SLC3A1: variants seen among roughly 807,000 people sequenced by gnomAD.
The protein encoded by SLC3A1 is amino acid transporter heavy chain SLC3A1.
A neutral mutation model predicts 60.3 loss-of-function variants in SLC3A1; 78 were observed. The ratio of observed to expected loss-of-function variants is 1.29; its 90% CI spans 1.08 to 1.56. SLC3A1 has a LOEUF of 1.56. SLC3A1 is among the 40% of genes most tolerant of loss of function. SLC3A1 has a pLI of 0.00. For missense variants in SLC3A1, 1,172 were observed against 858.9 expected, an observed-to-expected ratio of 1.36 and a Z score of -4.56; for synonymous variants, 392 against 307.9, an observed-to-expected ratio of 1.27 and a Z score of -2.86.
intron 7 of SLC3A1, among the ~76,000 whole-genome samples, chr2:44,306,279 A>C (rs1334244146): frequency 5.3e-5 from 8 of 152,196 alleles, no homozygotes; most frequent in African/African-American, 1.4e-4. Context: ...CAGCCTGATG[A>C]AAACCTGAAA....
chr2:44,307,260 T>C (rs1240981044), intron 7 of SLC3A1, among the ~76,000 whole-genome samples: 1 of 152,252 alleles, frequency 6.6e-6, no homozygotes, highest in African/African-American at 2.4e-5. Context: ...GAGATTTGTT[T>C]TCACTTTTGG....
chr2:44,289,882 C>T (rs1304789327), intron 4 of SLC3A1, among the ~76,000 whole-genome samples: 8 of 152,150 alleles, frequency 5.3e-5, no homozygotes, highest in East Asian at 1.9e-4. Context: ...CCACCCGCCT[C>T]GGCCTCCCAA....
At chr2:44,298,259 C>T (rs143042076) in intron 4 of SLC3A1, among the ~76,000 whole-genome samples, 1 of 152,170 alleles carries the variant, frequency 6.6e-6, no homozygotes, top group Non-Finnish European at 1.5e-5. Flanking sequence ...ATCACCCTCA[C>T]AAAAATCCCA....
Position 44,281,396 on chromosome 2 carries a change from T to G in SLC3A1, c.620T>G (p.Leu207Ter). The change falls in exon 3 of 10, where the codon TTA (leucine) becomes TGA (stop). Residue 207 changes from leucine (L) to a stop codon, truncating the protein, a stop_gained. Coordinates refer to ENST00000260649, the MANE Select transcript of SLC3A1 (RefSeq NM_000341.4). LOFTEE classifies it high-confidence loss of function. ...VAAIHDKGLK[L>*]IIDFIPNHTS... ...GTCTTTTACTCATTAGGTTTAAAAT[T>G]AATCATCGATTTCATACCAAACCAC... 1.2e-6 allele frequency: 2 copies of G among 1,612,612 alleles called. No individual in the cohort carries two copies. The highest frequency in any genetic ancestry group is 8.5e-7 in the Non-Finnish European group (1 of 1,178,602).
At position 44,300,047 on chromosome 2, in the gene SLC3A1, A is replaced by G; in HGVS notation, c.968A>G (p.Lys323Arg). Residue 323 changes from lysine (K) to arginine (R), a missense_variant, in exon 5 of 10, where the codon AAG becomes AGG. Coordinates refer to ENST00000260649, the MANE Select transcript of SLC3A1 (RefSeq NM_000341.4). ...GCTGTTAAATTCCTCCTAGAAGCAA[A>G]GCACCTGAGAGATGAGATCCAAGTA... is the stretch of plus-strand genomic sequence containing the variant. ...LDAVKFLLEA[K>R]HLRDEIQVNK... 6.2e-7 allele frequency: 1 copy of G among 1,613,876 alleles called. No homozygotes were observed. Among genetic ancestry groups the G allele is most frequent in the Non-Finnish European group, 8.5e-7 (1 of 1,179,724 alleles).
chr2:44,308,245 T>C (rs553627835), intron 7 of SLC3A1, among the ~76,000 whole-genome samples: 4 of 152,236 alleles, frequency 2.6e-5, no homozygotes, highest in Admixed American at 2.6e-4. Flanking sequence ...CTGAGTTGAT[T>C]AGTGTAGCTT....
At chr2:44,278,613 A>G (rs1422589152) in intron 1 of SLC3A1, among the ~76,000 whole-genome samples, 1 of 152,156 alleles carries the variant, frequency 6.6e-6, no homozygotes, top group East Asian at 1.9e-4. Context: ...AAGTCACATC[A>G]GGATTACACA....
At position 44,304,328 on chromosome 2, in the gene SLC3A1, C is replaced by G. The variant is rs779168140; in HGVS notation, c.1322C>G (p.Pro441Arg). The G allele has an allele frequency of 1.9e-6, 3 of 1,613,360 alleles. No individual in the cohort carries two copies. Among genetic ancestry groups the G allele is most frequent in the East Asian group, 4.5e-5 (2 of 44,884 alleles). Residue 441 changes from proline to arginine, a missense_variant, in exon 7 of 10, where the codon CCT becomes CGT. Transcript: ENST00000260649. ...WMENMPEGKWPNWMIGGPDSS... is the reference protein window; with the variant it reads ...WMENMPEGKWRNWMIGGPDSS... The stretch of plus-strand genomic sequence containing the variant: ...GAAAACATGCCAGAAGGAAAATGGC[C>G]TAACTGGATGGTAAGTCCTCATGAC...
At chr2:44,319,192 C>T (rs774470850) in intron 9 of SLC3A1, 1 of 152,502 alleles carries the variant, frequency 6.6e-6, no homozygotes, top group Non-Finnish European at 1.5e-5. Flanking sequence ...GGGAACCTAC[C>T]CCTAAAGAAC....
intron 4 of SLC3A1, among the ~76,000 whole-genome samples, chr2:44,288,017 C>T (rs905546519): frequency 1.3e-5 from 2 of 151,736 alleles, no homozygotes; most frequent in Non-Finnish European, 2.9e-5. Context: ...TTCACAATCA[C>T]TACTAATTTC....
At chr2:44,296,257 C>T (rs1671842957) in intron 4 of SLC3A1, among the ~76,000 whole-genome samples, 1 of 152,174 alleles carries the variant, frequency 6.6e-6, no homozygotes. Flanking sequence ...TCCTTTGTCT[C>T]AGCTGTGATT....
intron 3 of SLC3A1, chr2:44,285,534 G>T: frequency 2.6e-6 from 1 of 390,136 alleles, no homozygotes. Flanking sequence ...AACACTTGAA[G>T]TTGCTTTTTA....
chr2:44,299,589 G>A (rs895415525), intron 4 of SLC3A1, among the ~76,000 whole-genome samples: 3 of 152,158 alleles, frequency 2.0e-5, no homozygotes, highest in Non-Finnish European at 4.4e-5. Context: ...AGTTTGCAGT[G>A]ACAGTTAAGG....
chr2:44,321,557 T>C (rs905226744), downstream of SLC3A1: 10 of 1,509,954 alleles, frequency 6.6e-6, no homozygotes, highest in African/African-American at 8.4e-5. Flanking sequence ...CAGCAATTTA[T>C]GGCAAGAATA....
chr2:44,281,457 G>A lies in SLC3A1; in HGVS notation c.681G>A (p.Arg227=). ...SDKHIWFQLS[R]TRTGKYTDYY... Reference sequence around the variant, plus strand: ...AACATATTTGGTTTCAATTGAGTCGGACACGGACAGGAAAATATACTGATT... The same window carrying A: ...AACATATTTGGTTTCAATTGAGTCGAACACGGACAGGAAAATATACTGATT... Residue 227 remains arginine, a synonymous_variant, in exon 3 of 10, where the codon CGG becomes CGA. Coordinates refer to ENST00000260649, the MANE Select transcript of SLC3A1 (RefSeq NM_000341.4). 1 of 1,613,670 alleles carries A rather than the reference G, an allele frequency of 6.2e-7. No homozygotes were observed. The highest frequency in any genetic ancestry group is 8.5e-7 in the Non-Finnish European group (1 of 1,179,626).
intron 4 of SLC3A1, among the ~76,000 whole-genome samples, chr2:44,298,700 T>A (rs562577188): frequency 6.6e-6 from 1 of 152,230 alleles, no homozygotes; most frequent in East Asian, 1.9e-4. Flanking sequence ...TGCACCAGTC[T>A]TCATCTCTCT....
At chr2:44,307,607 T>A (rs971922700) in intron 7 of SLC3A1, among the ~76,000 whole-genome samples, 1 of 151,528 alleles carries the variant, frequency 6.6e-6, no homozygotes, top group African/African-American at 2.4e-5. Context: ...CTAATTTTGT[T>A]GAGGGTATTT....
intron 1 of SLC3A1, among the ~76,000 whole-genome samples, chr2:44,277,563 G>T (rs1400472083): frequency 6.6e-6 from 1 of 152,080 alleles, no homozygotes; most frequent in African/African-American, 2.4e-5. Flanking sequence ...CTTCGGCTTT[G>T]GATGTGTTTC....
chr2:44,312,770 T>C lies in SLC3A1; in HGVS notation c.1500+17T>C, dbSNP rs751115856. 1.9e-6 allele frequency: 3 copies of C among 1,595,774 alleles called. No homozygotes were observed. The highest frequency in any genetic ancestry group is 1.7e-4 in the Middle Eastern group (1 of 6,030). The stretch of plus-strand genomic sequence containing the variant: ...TATGATATTGTAAGTTGAATACAAC[T>C]TGACTATTCATCACAGCTATAAAAC... On this transcript the variant is annotated intron_variant, in intron 8 of 9. Coordinates refer to ENST00000260649, the MANE Select transcript of SLC3A1 (RefSeq NM_000341.4).
Sources: gnomAD v4.1 joint callset for allele counts (sites outside exome capture counted in the v4.1 genomes callset) on GRCh38, gnomAD v4.1.1 for gene constraint, MANE v1.5 for transcripts, NCBI Gene and HGNC (gene_info 2026-07-23, HGNC 2026-07-21) for gene names.